RASGRF2: variants seen among roughly 807,000 people sequenced by gnomAD.
RASGRF2 encodes the protein Ras protein specific guanine nucleotide releasing factor 2.
A neutral mutation model predicts 151.0 loss-of-function variants in RASGRF2; 76 were observed. The observed-to-expected ratio is 0.50, with a 90% confidence interval of 0.42 to 0.61. RASGRF2 has a LOEUF of 0.61. Among genes scored for constraint, RASGRF2 ranks in the 20% least tolerant of loss-of-function variants. RASGRF2 has a pLI of 0.00. For missense variants in RASGRF2, 1,148 were observed against 1,564.6 expected (o/e 0.73, Z 4.49); for synonymous variants, 504 against 566.5 (o/e 0.89, Z 1.57).
intron 12 of RASGRF2, among the ~76,000 whole-genome samples, chr5:81,101,582 CATA>C (rs1304424986): frequency 6.6e-6 from 1 of 151,832 alleles, no homozygotes; most frequent in African/African-American, 2.4e-5. Context: ...ATAAATGTAT[CATA>C]ATAAGATCGA....
chr5:81,099,281 CTTCATA>C (rs1209564304), intron 12 of RASGRF2, among the ~76,000 whole-genome samples: 2 of 152,192 alleles, frequency 1.3e-5, no homozygotes, highest in African/African-American at 4.8e-5. Context: ...CCTATAAACT[CTTCATA>C]TTCATATTGG....
chr5:81,056,710 C>G (rs193223476), intron 2 of RASGRF2, among the ~76,000 whole-genome samples: 1 of 152,214 alleles, frequency 6.6e-6, no homozygotes, highest in African/African-American at 2.4e-5. Flanking sequence ...GTGGATCTGT[C>G]TAATGTTGAC....
intron 10 of RASGRF2, among the ~76,000 whole-genome samples, chr5:81,093,631 T>C (rs1752454637): frequency 6.6e-6 from 1 of 152,270 alleles, no homozygotes; most frequent in South Asian, 2.1e-4. Context: ...CTCAGGCTGG[T>C]CTTGAACTCC....
At chr5:81,107,403 C>G (rs1580321054) in intron 12 of RASGRF2, among the ~76,000 whole-genome samples, 2 of 152,112 alleles carry the variant, frequency 1.3e-5, no homozygotes, top group East Asian at 3.9e-4. Flanking sequence ...GGACATTGTT[C>G]ACTACATTAT....
At chr5:81,048,657 T>C (rs191895007) in intron 2 of RASGRF2, among the ~76,000 whole-genome samples, 104 of 152,250 alleles carry the variant, frequency 6.8e-4, no homozygotes, top group African/African-American at 2.3e-3. Flanking sequence ...GCACACCATC[T>C]CACCTGCAGG....
chr5:81,176,018 C>G (rs1160930838), intron 17 of RASGRF2, among the ~76,000 whole-genome samples: 1 of 152,132 alleles, frequency 6.6e-6, no homozygotes, highest in Non-Finnish European at 1.5e-5. Flanking sequence ...GCTGTATACT[C>G]ATTAGCTGTG....
At chr5:81,140,653 C>T (rs1753864107) in intron 17 of RASGRF2, among the ~76,000 whole-genome samples, 1 of 152,164 alleles carries the variant, frequency 6.6e-6, no homozygotes, top group Non-Finnish European at 1.5e-5. Context: ...CCAAGCAGAC[C>T]CAAATCCTGT....
intron 1 of RASGRF2, among the ~76,000 whole-genome samples, chr5:81,026,256 CT>C (rs1333532199): frequency 2.0e-5 from 3 of 149,908 alleles, no homozygotes; most frequent in Non-Finnish European, 4.4e-5. Context: ...CTCCCCTTCT[CT>C]TTTTTTTTCT....
At chr5:81,216,015 A>G (rs1755726869) in intron 24 of RASGRF2, 60 bp downstream of exon 24, 1 of 1,375,300 alleles carries the variant, frequency 7.3e-7, no homozygotes, top group African/African-American at 1.5e-5. Flanking sequence ...CATAATGTAT[A>G]TAGTATACAA....
At position 81,094,945 on chromosome 5, in the gene RASGRF2, G is replaced by A; in HGVS notation, c.1708G>A (p.Ala570Thr). 6.3e-7 allele frequency: 1 copy of A among 1,597,656 alleles called. No homozygotes were observed. ...DAAAFTVVLLAPSRQEKAAWM... is the reference protein window; with the variant it reads ...DAAAFTVVLLTPSRQEKAAWM... ...TGCCGCCTTCACTGTTGTCTTGTTA[G>A]CACCCTCACGCCAGGAGAAAGCTGC... Residue 570 changes from alanine to threonine, a missense_variant, in exon 12 of 27, where the codon GCA (alanine) becomes ACA (threonine). Physicochemically the swap from Ala to Thr is moderately conservative, Grantham distance 58 (BLOSUM62 0). Coordinates refer to ENST00000265080, the MANE Select transcript of RASGRF2 (RefSeq NM_006909.3).
At chr5:81,082,551 C>T (rs990934262) in intron 7 of RASGRF2, among the ~76,000 whole-genome samples, 2 of 152,228 alleles carry the variant, frequency 1.3e-5, no homozygotes, top group Non-Finnish European at 2.9e-5. Context: ...GGCAGCTGAG[C>T]TGAGCTCTAG....
chr5:81,195,558 A>AT lies in RASGRF2; in HGVS notation c.2794-5762dup, dbSNP rs199748417. 1.4e-3 allele frequency among the ~76,000 whole-genome samples: 194 copies of AT among 140,676 alleles called. 2 individuals are homozygous for AT. The highest frequency in any genetic ancestry group is 3.7e-3 in the Middle Eastern group (1 of 270). The allele number at this position is 140,676 out of a possible 152,430, so 92.3% of individuals were successfully genotyped here. On this transcript the variant is annotated intron_variant, in intron 18 of 26. Transcript: ENST00000265080. ...ATCTAGATTTCTTTTACTTCTTGAG[A>AT]TTTTTTTTTTGTGACCTTTTTTTTT...
At chr5:81,008,667 C>T (rs1200826367) in intron 1 of RASGRF2, among the ~76,000 whole-genome samples, 1 of 152,000 alleles carries the variant, frequency 6.6e-6, no homozygotes, top group Non-Finnish European at 1.5e-5. Context: ...AAAATGGATT[C>T]CTCCCCTCTT....
At chr5:81,057,642 G>A (rs1227349330) in intron 2 of RASGRF2, among the ~76,000 whole-genome samples, 1 of 152,048 alleles carries the variant, frequency 6.6e-6, no homozygotes, top group Non-Finnish European at 1.5e-5. Flanking sequence ...TAAAATCAGG[G>A]AAATTAGCAT....
At chr5:81,200,080 G>T (rs1755352975) in intron 18 of RASGRF2, among the ~76,000 whole-genome samples, 1 of 151,566 alleles carries the variant, frequency 6.6e-6, no homozygotes, top group African/African-American at 2.4e-5. Flanking sequence ...AGACCAGCCT[G>T]GGCAACATGG....
At chr5:81,193,813 C>T (rs1442486246) in intron 18 of RASGRF2, among the ~76,000 whole-genome samples, 1 of 152,190 alleles carries the variant, frequency 6.6e-6, no homozygotes, top group Non-Finnish European at 1.5e-5. Flanking sequence ...CTACCGTGCC[C>T]AGCTCGATAG....
At chr5:81,144,639 C>T (rs1021009580) in intron 17 of RASGRF2, among the ~76,000 whole-genome samples, 1 of 152,194 alleles carries the variant, frequency 6.6e-6, no homozygotes, top group East Asian at 1.9e-4. Flanking sequence ...AGTGGTTGCA[C>T]TTATTATCAA....
chr5:80,986,928 G>A (rs565858971), intron 1 of RASGRF2, among the ~76,000 whole-genome samples: 9 of 152,178 alleles, frequency 5.9e-5, no homozygotes, highest in Admixed American at 3.9e-4. Context: ...TGAAGCCCTC[G>A]GAGGTCTGGC....
intron 17 of RASGRF2, among the ~76,000 whole-genome samples, chr5:81,142,353 C>T (rs2112603215): frequency 6.6e-6 from 1 of 152,300 alleles, no homozygotes; most frequent in Non-Finnish European, 1.5e-5. Context: ...GGCTAAACAT[C>T]ACTGCTCTGC....
Sources: allele counts gnomAD v4.1 joint callset (sites outside exome capture counted in the v4.1 genomes callset), GRCh38; gene constraint gnomAD v4.1.1; transcripts MANE v1.5; gene names NCBI Gene and HGNC (gene_info 2026-07-23, HGNC 2026-07-21).